Variants in CNTN4 observed in about 807,000 individuals in gnomAD.
The protein encoded by CNTN4 is contactin-4.
A neutral mutation model predicts 122.5 loss-of-function variants in CNTN4; 77 were observed. The ratio of observed to expected loss-of-function variants is 0.63; its 90% CI spans 0.52 to 0.76. The LOEUF (loss-of-function observed/expected upper bound fraction) is 0.76, where lower values mean the gene tolerates loss of function less well. CNTN4 is among the 30% of genes least tolerant of loss of function. The pLI, the probability that CNTN4 is intolerant of heterozygous loss-of-function variation, is 0.00. For synonymous variants in CNTN4, 512 were observed against 447.0 expected (o/e 1.15, Z -1.83); for missense variants, 1,256 against 1,259.1 (o/e 1.00, Z 0.04).
At chr3:2,562,260 C>T (rs1199074234) in intron 3 of CNTN4, among the ~76,000 whole-genome samples, 2 of 152,060 alleles carry the variant, frequency 1.3e-5, no homozygotes, top group African/African-American at 4.8e-5. Flanking sequence ...TCAGGGGGTA[C>T]TTGTGTGGGT....
intron 2 of CNTN4, among the ~76,000 whole-genome samples, chr3:2,259,852 C>G (rs1009208656): frequency 6.6e-6 from 1 of 152,124 alleles, no homozygotes; most frequent in Non-Finnish European, 1.5e-5. Context: ...ATCCTCGTAT[C>G]TTTGCATTCT....
In CNTN4 at chr3:2,731,497, A is replaced by G. The variant is rs564518918; in HGVS notation, c.56-4718A>G. Among the ~76,000 whole-genome samples, 6 of 152,318 alleles carry G rather than the reference A, an allele frequency of 3.9e-5. No individual in the cohort carries two copies. In the South Asian group the frequency reaches 1.2e-3, roughly 32 times the overall value. On this transcript the variant is annotated intron_variant, in intron 4 of 24. Transcript: ENST00000418658. ...ATTGGTGCCTGCACTAGATCCTCCAAGCTGTGTGTCAGATCAATGGTCTGG... is the reference window on the plus strand; with the variant it reads ...ATTGGTGCCTGCACTAGATCCTCCAGGCTGTGTGTCAGATCAATGGTCTGG...
intron 2 of CNTN4, among the ~76,000 whole-genome samples, chr3:2,189,277 A>G (rs2037414698): frequency 6.6e-6 from 1 of 152,122 alleles, no homozygotes; most frequent in African/African-American, 2.4e-5. Context: ...TGTAAAACAC[A>G]ATGTGAGGAG....
intron 4 of CNTN4, among the ~76,000 whole-genome samples, chr3:2,715,838 C>T (rs994744301): frequency 1.3e-5 from 2 of 152,162 alleles, no homozygotes; most frequent in East Asian, 1.9e-4. Flanking sequence ...CCTCATTTAA[C>T]CTTAATTACT....
intron 4 of CNTN4, among the ~76,000 whole-genome samples, chr3:2,597,827 A>T (rs927487032): frequency 6.6e-6 from 1 of 152,170 alleles, no homozygotes; most frequent in Non-Finnish European, 1.5e-5. Context: ...GTTTGTTCCC[A>T]TCTAATCATG....
intron 6 of CNTN4, among the ~76,000 whole-genome samples, chr3:2,747,813 T>C (rs963160071): frequency 1.3e-5 from 2 of 152,192 alleles, no homozygotes; most frequent in African/African-American, 4.8e-5. Flanking sequence ...CACCAATTCA[T>C]CACGAGGCAC....
rs111291767 is a variant in CNTN4 at position 2,883,612 on chromosome 3, G to A, written c.755+365G>A. On this transcript the variant is annotated intron_variant, in intron 9 of 24. Transcript: ENST00000418658. ...TTAAGCTGACTATGTGGAAAAATAC[G>A]GACTTTCATTTTGGCCCCAGTTTAT... Among the ~76,000 whole-genome samples the A allele has an allele frequency of 1.4e-3, 210 of 152,246 alleles. 1 individual carries two copies. The highest frequency in any genetic ancestry group is 4.9e-3 in the African/African-American group (202 of 41,546).
intron 2 of CNTN4, among the ~76,000 whole-genome samples, chr3:2,238,071 A>G (rs923911904): frequency 7.1e-6 from 1 of 140,358 alleles, no homozygotes; most frequent in Non-Finnish European, 1.6e-5. Flanking sequence ...TGACTAAAGA[A>G]AAAAAAAAGT....
At chr3:2,221,945 C>T (rs2149493233) in intron 2 of CNTN4, among the ~76,000 whole-genome samples, 1 of 152,228 alleles carries the variant, frequency 6.6e-6, no homozygotes, top group African/African-American at 2.4e-5. Flanking sequence ...TCATACACTG[C>T]TGGTAGAATT....
intron 14 of CNTN4, among the ~76,000 whole-genome samples, chr3:3,007,387 T>A (rs1313327077): frequency 1.3e-5 from 2 of 152,196 alleles, no homozygotes; most frequent in African/African-American, 4.8e-5. Context: ...CCCTGTAAGA[T>A]TACCATCATT....
intron 23 of CNTN4, among the ~76,000 whole-genome samples, chr3:3,045,045 C>T (rs1700504520): frequency 6.6e-6 from 1 of 152,222 alleles, no homozygotes; most frequent in Admixed American, 6.5e-5. Flanking sequence ...GTTGCTAGCA[C>T]AGCAGTCTGA....
At chr3:3,020,496 C>T (rs992423929) in intron 14 of CNTN4, among the ~76,000 whole-genome samples, 2 of 152,146 alleles carry the variant, frequency 1.3e-5, no homozygotes, top group African/African-American at 2.4e-5. Context: ...GGAGGTGGCT[C>T]GGATTCATAG....
intron 2 of CNTN4, among the ~76,000 whole-genome samples, chr3:2,266,425 T>G (rs1243283572): frequency 1.3e-5 from 2 of 152,124 alleles, no homozygotes; most frequent in Non-Finnish European, 2.9e-5. Context: ...TTACGACTAA[T>G]TTTTCTCTTT....
chr3:2,159,040 C>T (rs1261504763), intron 2 of CNTN4, among the ~76,000 whole-genome samples: 5 of 151,898 alleles, frequency 3.3e-5, no homozygotes, highest in Non-Finnish European at 5.9e-5. Flanking sequence ...CGAGAGGCAG[C>T]GAGTGGGAGA....
chr3:2,352,578 C>G (rs1425077409), intron 3 of CNTN4, among the ~76,000 whole-genome samples: 1 of 152,212 alleles, frequency 6.6e-6, no homozygotes, highest in Non-Finnish European at 1.5e-5. Context: ...GCAGTGCCAG[C>G]CCGCCAGTGC....
chr3:2,421,750 T>G (rs1431459470), intron 3 of CNTN4, among the ~76,000 whole-genome samples: 7 of 152,216 alleles, frequency 4.6e-5, no homozygotes, highest in Non-Finnish European at 1.0e-4. Context: ...AATTGCTGAC[T>G]ATTGAATATT....
intron 6 of CNTN4, among the ~76,000 whole-genome samples, chr3:2,804,034 ATTAT>A (rs949761634): frequency 4.9e-5 from 7 of 143,780 alleles, no homozygotes; most frequent in African/African-American, 1.6e-4. Context: ...TGAACAATAC[ATTAT>A]TTAGGGATAT....
intron 2 of CNTN4, among the ~76,000 whole-genome samples, chr3:2,143,258 C>T (rs944068327): frequency 6.6e-6 from 1 of 152,098 alleles, no homozygotes; most frequent in Non-Finnish European, 1.5e-5. Flanking sequence ...TTGTCTTATT[C>T]TATTTGTGCA....
intron 2 of CNTN4, among the ~76,000 whole-genome samples, chr3:2,270,652 A>G (rs952073762): frequency 1.4e-5 from 2 of 139,678 alleles, no homozygotes; most frequent in African/African-American, 5.0e-5. Flanking sequence ...AGGGGGGAAA[A>G]TATTGTTCAT....
Sources: allele counts gnomAD v4.1 joint callset (sites outside exome capture counted in the v4.1 genomes callset), GRCh38; gene constraint gnomAD v4.1.1; transcripts MANE v1.5; gene names NCBI Gene and HGNC (gene_info 2026-07-23, HGNC 2026-07-21).